ROBO2: variants seen among roughly 807,000 people sequenced by gnomAD.
ROBO2 encodes the protein roundabout homolog 2.
ROBO2 carries 53 observed loss-of-function variants against 160.8 expected under a neutral mutation model. The observed-to-expected ratio is 0.33, with a 90% CI of 0.26 to 0.41. The LOEUF (loss-of-function observed/expected upper bound fraction) is 0.41. Among genes scored for constraint, ROBO2 ranks in the 10% least tolerant of loss-of-function variants. The pLI is 1.00. For synonymous variants in ROBO2, 664 were observed against 611.7 expected (o/e 1.09, Z -1.26); for missense variants, 1,577 against 1,722.4 (o/e 0.92, Z 1.49).
chr3:77,324,176 G>A (rs1168523779), intron 2 of ROBO2, among the ~76,000 whole-genome samples: 2 of 152,238 alleles, frequency 1.3e-5, no homozygotes, highest in Non-Finnish European at 2.9e-5. Context: ...ACAGGGGACT[G>A]GCTATAAGTG....
chr3:77,495,466 C>T (rs929423318), intron 5 of ROBO2, among the ~76,000 whole-genome samples: 1 of 152,126 alleles, frequency 6.6e-6, no homozygotes, highest in Non-Finnish European at 1.5e-5. Flanking sequence ...CATCATTGTC[C>T]TCTTTCTACT....
rs534054855 is a variant in ROBO2, at chr3:77,592,504, A to G, written c.2684-2638A>G. 5.3e-5 allele frequency among the ~76,000 whole-genome samples: 8 copies of G among 152,170 alleles called. No individual in the cohort carries two copies. The East Asian group carries it at 1.5e-3, about 29-fold the overall frequency. ...CATACTATAGTGTTCATACTCTAAC[A>G]AGTTTGCAAATTAACTTTAATGCAT... On this transcript the variant is annotated intron_variant, in intron 17 of 25. Transcript: ENST00000461745.
At chr3:76,536,696 T>G (rs533300686) in intron 2 of ROBO2, among the ~76,000 whole-genome samples, 1 of 152,216 alleles carries the variant, frequency 6.6e-6, no homozygotes, top group South Asian at 2.1e-4. Flanking sequence ...AGTGTGAGAT[T>G]GGGCTAGGGT....
At position 77,219,489 on chromosome 3, in the gene ROBO2, G is replaced by GTATATATATA. The variant is rs10654899; in HGVS notation, c.388+121165_388+121174dup. Among the ~76,000 whole-genome samples, 760 of 111,420 alleles carry GTATATATATA rather than the reference G, an allele frequency of 6.8e-3. 2 individuals are homozygous for GTATATATATA. The highest frequency in any genetic ancestry group is 9.9e-3 in the Non-Finnish European group (529 of 53,680). 73.1% of individuals were successfully genotyped at this position (111,420 alleles called of 152,430 possible). A position where few individuals can be genotyped will look rare whatever the true frequency, so the allele number is the denominator to read the frequency against. On this transcript the variant is annotated intron_variant, in intron 2 of 25. Transcript: ENST00000461745. ...CTGTGTATATATATATATATAATCT[G>GTATATATATA]TATATATATATATATATATATATAT...
chr3:77,390,653 C>T lies in ROBO2; in HGVS notation c.389-86761C>T, dbSNP rs138570039. On this transcript the variant is annotated intron_variant, in intron 2 of 25. Transcript: ENST00000461745. Reference sequence around the variant, plus strand: ...GTCTCTGGTAAGTCTTTATTAGCAGCGTGATAACAGATAATAAAGCAACTA... The same window carrying T: ...GTCTCTGGTAAGTCTTTATTAGCAGTGTGATAACAGATAATAAAGCAACTA... 2.0e-3 allele frequency among the ~76,000 whole-genome samples: 304 copies of T among 151,982 alleles called. 6 individuals are homozygous for T. Among genetic ancestry groups the T allele is most frequent in the Non-Finnish European group, 3.4e-4 (23 of 67,980 alleles).
intron 4 of ROBO2, among the ~76,000 whole-genome samples, chr3:77,487,734 T>C (rs2085543101): frequency 6.6e-6 from 1 of 152,168 alleles, no homozygotes. Context: ...TTACAAGCAG[T>C]GGTTAACTCT....
At chr3:76,295,707 A>G (rs1297219829) in intron 2 of ROBO2, among the ~76,000 whole-genome samples, 2 of 152,212 alleles carry the variant, frequency 1.3e-5, no homozygotes, top group African/African-American at 4.8e-5. Flanking sequence ...AAACATTAAA[A>G]TGGATGACTT....
chr3:76,988,406 A>G (rs558790562), intron 2 of ROBO2, among the ~76,000 whole-genome samples: 9 of 152,306 alleles, frequency 5.9e-5, no homozygotes, highest in South Asian at 4.1e-4. Context: ...GCACTTTCCA[A>G]TGAGCTCTAT....
At position 77,499,247 on chromosome 3, in the gene ROBO2, A is replaced by C. The variant is rs573175587; in HGVS notation, c.806+5865A>C. Among the ~76,000 whole-genome samples the C allele has an allele frequency of 5.9e-5, 9 of 152,328 alleles. No individual in the cohort carries two copies. The South Asian group carries it at 1.9e-3, about 32-fold the overall frequency. ...ATAGTTGACAAATTTCTCTACTGCA[A>C]ACTAGGAATGTGATCTTGAAGAAGC... On this transcript the variant is annotated intron_variant, in intron 5 of 25. Transcript: ENST00000461745.
chr3:76,305,355 C>A (rs76490015), intron 2 of ROBO2, among the ~76,000 whole-genome samples: 8 of 121,736 alleles, frequency 6.6e-5, no homozygotes, highest in African/African-American at 2.3e-4. Flanking sequence ...CTCACCACTG[C>A]ACTTCAGCCT....
intron 4 of ROBO2, among the ~76,000 whole-genome samples, chr3:77,491,786 T>A (rs1450279371): frequency 6.6e-6 from 1 of 152,142 alleles, no homozygotes; most frequent in Admixed American, 6.6e-5. Flanking sequence ...TGCTTGGGAT[T>A]TTTGAGTCCC....
intron 2 of ROBO2, among the ~76,000 whole-genome samples, chr3:77,260,472 T>C (rs1313734258): frequency 6.6e-6 from 1 of 152,170 alleles, no homozygotes. Flanking sequence ...TTAGGATGGA[T>C]AAATGACTAT....
At chr3:76,623,420 G>T (rs1345321419) in intron 2 of ROBO2, among the ~76,000 whole-genome samples, 1 of 152,056 alleles carries the variant, frequency 6.6e-6, no homozygotes, top group Non-Finnish European at 1.5e-5. Context: ...TGCAAATCAT[G>T]GCTAAATTGC....
chr3:76,110,936 C>G (rs75555498), intron 2 of ROBO2, among the ~76,000 whole-genome samples: 2,054 of 152,174 alleles, frequency 0.013, 50 homozygotes, highest in African/African-American at 0.047. Context: ...TCTAGTTCCT[C>G]TACCTCTGAA....
chr3:76,573,115 G>A (rs2085054358), intron 2 of ROBO2, among the ~76,000 whole-genome samples: 1 of 152,078 alleles, frequency 6.6e-6, no homozygotes, highest in African/African-American at 2.4e-5. Flanking sequence ...GACAGGTTAA[G>A]TATCAACTCT....
intron 2 of ROBO2, among the ~76,000 whole-genome samples, chr3:77,283,251 C>T (rs2060360853): frequency 6.6e-6 from 1 of 152,132 alleles, no homozygotes; most frequent in Non-Finnish European, 1.5e-5. Context: ...AACCCCTTTT[C>T]ACCATTCAGC....
intron 2 of ROBO2, among the ~76,000 whole-genome samples, chr3:76,280,717 A>C (rs1708184191): frequency 6.6e-6 from 1 of 151,894 alleles, no homozygotes; most frequent in African/African-American, 2.4e-5. Flanking sequence ...TATTTCTTTC[A>C]GAAGATCTAA....
At chr3:76,392,542 T>G (rs1017233466) in intron 2 of ROBO2, among the ~76,000 whole-genome samples, 1 of 152,178 alleles carries the variant, frequency 6.6e-6, no homozygotes, top group Non-Finnish European at 1.5e-5. Context: ...TTTGACTGAT[T>G]TTAAGAAATC....
intron 13 of ROBO2, among the ~76,000 whole-genome samples, chr3:77,573,855 T>G (rs2093696749): frequency 6.6e-6 from 1 of 151,994 alleles, no homozygotes; most frequent in African/African-American, 2.4e-5. Flanking sequence ...ATGCTTTTTT[T>G]TTTATGATTG....
Sources: allele counts gnomAD v4.1 joint callset (sites outside exome capture counted in the v4.1 genomes callset), GRCh38; gene constraint gnomAD v4.1.1; transcripts MANE v1.5; gene names NCBI Gene and HGNC (gene_info 2026-07-23, HGNC 2026-07-21).